Variants in KCNAB2 observed in about 807,000 individuals in gnomAD.
The protein encoded by KCNAB2 is voltage-gated potassium channel subunit beta-2.
A neutral mutation model predicts 63.6 loss-of-function variants in KCNAB2; 29 were observed. That is an observed-to-expected ratio of 0.46 (90% CI 0.34 to 0.62). The LOEUF is 0.62. Ranked by LOEUF, KCNAB2 falls within the 20% of genes least tolerant of loss-of-function variation. The pLI is 0.01. For missense variants in KCNAB2, 359 were observed against 563.9 expected, an observed-to-expected ratio of 0.64 and a Z score of 3.68; for synonymous variants, 222 against 224.2, an observed-to-expected ratio of 0.99 and a Z score of 0.09.
intron 4 of KCNAB2, among the ~76,000 whole-genome samples, chr1:6,080,738 G>A (rs370416694): frequency 6.6e-6 from 1 of 152,138 alleles, no homozygotes. Context: ...GCCTTCCCAC[G>A]TGCAGCATTT....
chr1:6,061,378 C>T lies in KCNAB2; in HGVS notation c.218+9624C>T, dbSNP rs1347091341. On this transcript the variant is annotated intron_variant, in intron 2 of 15. Transcript: ENST00000378083. The stretch of plus-strand genomic sequence containing the variant: ...CAGCACCGGGCCGGGCGGGGGCTCA[C>T]GCCTGTCATCCCAGCACCGGGCCGG... Among the ~76,000 whole-genome samples the T allele has an allele frequency of 3.9e-5, 6 of 151,974 alleles. No homozygotes were observed. In the South Asian group the frequency reaches 8.3e-4, roughly 21 times the overall value.
chr1:6,090,906 AGAG>A (rs1324796449), intron 9 of KCNAB2, among the ~76,000 whole-genome samples: 1 of 152,164 alleles, frequency 6.6e-6, no homozygotes, highest in African/African-American at 2.4e-5. Flanking sequence ...ATTACTACAT[AGAG>A]GAGAAGAAGC....
chr1:6,037,968 G>A (rs972951442), intron 1 of KCNAB2, among the ~76,000 whole-genome samples: 32 of 144,472 alleles, frequency 2.2e-4, no homozygotes, highest in African/African-American at 7.9e-4. Flanking sequence ...TCCGTCTCCC[G>A]GGTTCACGCC....
intron 1 of KCNAB2, among the ~76,000 whole-genome samples, chr1:6,026,708 A>G (rs1300324589): frequency 6.6e-6 from 1 of 152,198 alleles, no homozygotes; most frequent in African/African-American, 2.4e-5. Flanking sequence ...CCTGGCACCC[A>G]GCAGAGATGT....
intron 1 of KCNAB2, among the ~76,000 whole-genome samples, chr1:6,009,465 CCT>C (rs1178979778): frequency 1.3e-5 from 2 of 152,216 alleles, no homozygotes; most frequent in Non-Finnish European, 2.9e-5. Flanking sequence ...ATGCACGTCC[CCT>C]GTCTAGACCC....
At position 6,087,437 on chromosome 1, in the gene KCNAB2, C is replaced by T. The variant is rs780493770; in HGVS notation, c.426-30C>T. 6.2e-7 allele frequency: 1 copy of T among 1,613,358 alleles called. No individual in the cohort carries two copies. The highest frequency in any genetic ancestry group is 8.5e-7 in the Non-Finnish European group (1 of 1,179,238). On this transcript the variant is annotated intron_variant, in intron 6 of 15. Transcript: ENST00000378083. This position sits in a 1 kb window ranked among gnomAD's most constrained non-coding sequence, Gnocchi z 6.4. The stretch of plus-strand genomic sequence containing the variant: ...AGGACCCCCCAGGGGCCGGGCTTAT[C>T]ACACCCCTTCTTTCTCTTCTGTTCC...
chr1:6,020,056 G>A (rs555308696), intron 1 of KCNAB2, among the ~76,000 whole-genome samples: 78 of 152,254 alleles, frequency 5.1e-4, no homozygotes, highest in Non-Finnish European at 9.6e-4. Flanking sequence ...GCGGAGGGGG[G>A]TCATGCATCC....
At chr1:6,037,404 A>G (rs1030692692) in intron 1 of KCNAB2, among the ~76,000 whole-genome samples, 4 of 152,160 alleles carry the variant, frequency 2.6e-5, no homozygotes, top group Non-Finnish European at 5.9e-5. Context: ...TTGCTTATGC[A>G]GCATCCATGG....
At chr1:6,018,242 A>G (rs1396043708) in intron 1 of KCNAB2, among the ~76,000 whole-genome samples, 2 of 152,098 alleles carry the variant, frequency 1.3e-5, no homozygotes, top group Non-Finnish European at 2.9e-5. Flanking sequence ...CAGCCAGGCA[A>G]ATGTTTTCAT....
intron 15 of KCNAB2, 58 bp from the exon 16 acceptor site, chr1:6,098,427 C>T (rs1285247142): frequency 6.2e-7 from 1 of 1,604,126 alleles, no homozygotes; most frequent in Admixed American, 1.7e-5. Flanking sequence ...CCACCTCCTC[C>T]CCAGGCCAGG....
Position 6,096,486 on chromosome 1 carries a change from G to A in KCNAB2, c.949-150G>A. 9.2e-7 allele frequency: 1 copy of A among 1,087,460 alleles called. No individual in the cohort carries two copies. The highest frequency in any genetic ancestry group is 1.3e-6 in the Non-Finnish European group (1 of 771,480). 67.4% of individuals were successfully genotyped at this position (1,087,460 alleles called of 1,614,324 possible). On this transcript the variant is annotated intron_variant, in intron 13 of 15. Coordinates refer to ENST00000378083, the MANE Select transcript of KCNAB2 (RefSeq NM_001199862.2). The surrounding 1 kb of genome is among the most constrained non-coding windows in gnomAD (Gnocchi z 5.9). ...CACTCTCCCCTACTTGAGAGGCCTGGGGCAGGGGCACTGCCCTGGCTTCAA... is the reference window on the plus strand; with the variant it reads ...CACTCTCCCCTACTTGAGAGGCCTGAGGCAGGGGCACTGCCCTGGCTTCAA...
rs1316546333 is a variant in KCNAB2, at chr1:5,994,257, G to A, written c.-53+1469G>A. ...GCTAAGGAAGCCGCATTCAGGCCCC[G>A]CGTTGCAGGTTGCAGGGTTTGGGGA... On this transcript the variant is annotated intron_variant, in intron 1 of 16. Transcript: ENST00000341524. The surrounding 1 kb of genome is among the most constrained non-coding windows in gnomAD (Gnocchi z 5.4). 6.6e-6 allele frequency among the ~76,000 whole-genome samples: 1 copy of A among 152,158 alleles called. No homozygotes were observed. Among genetic ancestry groups the A allele is most frequent in the Non-Finnish European group, 1.5e-5 (1 of 68,040 alleles).
At position 6,087,305 on chromosome 1, in the gene KCNAB2, G is replaced by A. The variant is rs753969524; in HGVS notation, c.426-162G>A. On this transcript the variant is annotated intron_variant, in intron 6 of 15. Coordinates refer to ENST00000378083, the MANE Select transcript of KCNAB2 (RefSeq NM_001199862.2). This position sits in a 1 kb window ranked among gnomAD's most constrained non-coding sequence, Gnocchi z 6.4. ...GAGCCCACGCACCCCGGCTGGGCAC[G>A]TGGTACACATCATATGATGGAGAAG... is the stretch of plus-strand genomic sequence containing the variant. Among the ~76,000 whole-genome samples, 16 of 152,180 alleles carry A rather than the reference G, an allele frequency of 1.1e-4. No homozygotes were observed. The highest frequency in any genetic ancestry group is 3.9e-4 in the East Asian group (2 of 5,188).
chr1:6,061,807 G>A (rs781388941), intron 2 of KCNAB2, among the ~76,000 whole-genome samples: 2 of 152,160 alleles, frequency 1.3e-5, no homozygotes, highest in East Asian at 1.9e-4. Flanking sequence ...AGGATTGTAG[G>A]TGACGTTGTT....
chr1:5,997,975 C>T (rs1232296931), intron 1 of KCNAB2, among the ~76,000 whole-genome samples: 3 of 152,230 alleles, frequency 2.0e-5, no homozygotes, highest in Non-Finnish European at 4.4e-5. Flanking sequence ...GATGCAGTGA[C>T]CACATGCCTG....
intron 1 of KCNAB2, chr1:6,018,531 C>T (rs1658644835): frequency 6.6e-6 from 1 of 152,216 alleles, no homozygotes; most frequent in Non-Finnish European, 1.5e-5. Flanking sequence ...GCAGCCTGGG[C>T]CTCCTGGGAT....
At chr1:6,037,253 C>G (rs1175442402) in intron 1 of KCNAB2, among the ~76,000 whole-genome samples, 1 of 152,218 alleles carries the variant, frequency 6.6e-6, no homozygotes, top group Non-Finnish European at 1.5e-5. Flanking sequence ...TTCCGGAATT[C>G]TGGAAGTTAG....
At chr1:6,097,203 A>G in intron 14 of KCNAB2, 66 bp from the exon 15 acceptor site, 1 of 1,470,996 alleles carries the variant, frequency 6.8e-7, no homozygotes, top group Non-Finnish European at 9.1e-7. Context: ...AGTCAGAGGC[A>G]AGGCAGACCC....
chr1:5,997,394 C>T (rs1041508970), intron 1 of KCNAB2, among the ~76,000 whole-genome samples: 1 of 152,128 alleles, frequency 6.6e-6, no homozygotes, highest in Non-Finnish European at 1.5e-5. Context: ...AATAGCCTCC[C>T]TCTGAGGGAG....
Sources: allele counts gnomAD v4.1 joint callset (sites outside exome capture counted in the v4.1 genomes callset), GRCh38; gene constraint gnomAD v4.1.1; non-coding constraint Gnocchi (gnomAD v3.1); transcripts MANE v1.5; gene names NCBI Gene and HGNC (gene_info 2026-07-23, HGNC 2026-07-21).